SLC2A11: variants seen among roughly 807,000 people sequenced by gnomAD.
SLC2A11 encodes solute carrier family 2 member 11.
SLC2A11 carries 43 observed loss-of-function variants against 52.1 expected under a neutral mutation model. That is an observed-to-expected ratio of 0.82 (90% CI 0.65 to 1.06). The LOEUF is 1.06. Among genes scored for constraint, SLC2A11 ranks in the 50% least tolerant of loss-of-function variants. The pLI is 0.00. For missense variants in SLC2A11, 582 were observed against 654.2 expected, an observed-to-expected ratio of 0.89 and a Z score of 1.20; for synonymous variants, 261 against 277.6, an observed-to-expected ratio of 0.94 and a Z score of 0.59.
intron 8 of SLC2A11, 157 bp downstream of exon 8, chr22:23,883,026 C>T (rs1290702396): frequency 4.1e-6 from 3 of 737,502 alleles, no homozygotes; most frequent in Admixed American, 2.0e-5. Context: ...TTTGGGAGGC[C>T]GAGGTGGGTG....
chr22:23,882,403 G>A, intron 6 of SLC2A11, 56 bp from the exon 7 acceptor site: 1 of 1,441,732 alleles, frequency 6.9e-7, no homozygotes, highest in Non-Finnish European at 9.2e-7. Flanking sequence ...GTCCCTGTAG[G>A]GGGACCAAAG....
chr22:23,861,758 G>C (rs1011371772), intron 1 of SLC2A11, among the ~76,000 whole-genome samples: 3 of 152,210 alleles, frequency 2.0e-5, no homozygotes, highest in Admixed American at 6.5e-5. Context: ...TACTCTACTG[G>C]GGCCCCAGCT....
At chr22:23,861,872 G>A (rs2032080282) in intron 1 of SLC2A11, among the ~76,000 whole-genome samples, 1 of 152,206 alleles carries the variant, frequency 6.6e-6, no homozygotes, top group African/African-American at 2.4e-5. Flanking sequence ...GGCTATGGGT[G>A]GGGTGAGGGT....
chr22:23,883,219 G>A (rs1166602369), intron 8 of SLC2A11: 2 of 389,286 alleles, frequency 5.1e-6, no homozygotes, highest in Non-Finnish European at 9.8e-6. Context: ...CCGAGATGGT[G>A]CCATTGCACT....
upstream of SLC2A11, chr22:23,857,835 GT>G (rs1235849586): frequency 3.3e-6 from 5 of 1,494,080 alleles, no homozygotes; most frequent in African/African-American, 7.0e-5. Context: ...GTCTCGACGG[GT>G]TTGCTCCTCT....
chr22:23,864,788 T>A (rs1293600282), intron 2 of SLC2A11, among the ~76,000 whole-genome samples: 7 of 152,060 alleles, frequency 4.6e-5, no homozygotes, highest in African/African-American at 1.7e-4. Context: ...CCCTGCTGAA[T>A]GGTGTTAAGT....
At position 23,876,270 on chromosome 22, in the gene SLC2A11, C is replaced by T. The variant is rs547875885; in HGVS notation, c.416-772C>T. Among the ~76,000 whole-genome samples the T allele has an allele frequency of 6.3e-4, 96 of 152,258 alleles. No homozygotes were observed. The South Asian group carries it at 0.018, about 29-fold the overall frequency. On this transcript the variant is annotated intron_variant, in intron 4 of 11. Coordinates refer to ENST00000316185, the MANE Select transcript of SLC2A11 (RefSeq NM_001024939.4). ...TCCAGGGGAAAGGAACCAGGTCAGA[C>T]TTTGTCTTCATGTCCCAAGTACCCA... is the stretch of plus-strand genomic sequence containing the variant.
intron 3 of SLC2A11, among the ~76,000 whole-genome samples, chr22:23,874,455 T>C (rs527794983): frequency 0.033 from 1,726 of 52,834 alleles, 31 homozygotes; most frequent in African/African-American, 0.12. Flanking sequence ...CATGGCTAAT[T>C]TTTTTTTTTT....
intron 1 of SLC2A11, chr22:23,858,275 G>A: frequency 1.5e-6 from 1 of 661,408 alleles, no homozygotes. Context: ...CCCCAGAGAT[G>A]CTAAATCCTC....
chr22:23,876,982 G>A, intron 4 of SLC2A11, 60 bp from the exon 5 acceptor site: 1 of 1,611,748 alleles, frequency 6.2e-7, no homozygotes, highest in South Asian at 1.1e-5. Flanking sequence ...GACAGGCTGG[G>A]TGTCGTGGAG....
intron 6 of SLC2A11, among the ~76,000 whole-genome samples, chr22:23,880,192 G>A (rs1481108517): frequency 6.8e-6 from 1 of 147,642 alleles, no homozygotes; most frequent in African/African-American, 2.5e-5. Context: ...GGCGGAGGTT[G>A]CAGTGAGCCA....
chr22:23,883,907 G>C, intron 9 of SLC2A11, 34 bp downstream of exon 9: 1 of 1,610,020 alleles, frequency 6.2e-7, no homozygotes, highest in South Asian at 1.1e-5. Context: ...GGGGGTCCAG[G>C]CCGGGCTGAC....
chr22:23,861,599 T>C (rs1463566355), intron 1 of SLC2A11, among the ~76,000 whole-genome samples: 2 of 152,228 alleles, frequency 1.3e-5, no homozygotes, highest in Non-Finnish European at 2.9e-5. Context: ...TGCAGGTCCA[T>C]GTGGCATCTT....
intron 3 of SLC2A11, 118 bp from the exon 4 acceptor site, chr22:23,874,999 C>T (rs375351157): frequency 8.3e-7 from 1 of 1,209,344 alleles, no homozygotes; most frequent in Non-Finnish European, 1.1e-6. Context: ...TGGCATACTA[C>T]ATACATTTGT....
chr22:23,882,428 G>A (rs1025230592), intron 6 of SLC2A11, 31 bp from the exon 7 acceptor site: 11 of 1,486,108 alleles, frequency 7.4e-6, no homozygotes, highest in South Asian at 2.6e-5. Context: ...GCTTGGGGAC[G>A]GGGAGCTCAG....
intron 2 of SLC2A11, among the ~76,000 whole-genome samples, chr22:23,862,480 A>G (rs915088836): frequency 2.6e-5 from 4 of 152,018 alleles, no homozygotes; most frequent in Non-Finnish European, 4.4e-5. Context: ...CTTGGACACT[A>G]AGTCCTTCCT....
chr22:23,873,031 AT>A (rs1038797381), intron 3 of SLC2A11: 4 of 151,420 alleles, frequency 2.6e-5, no homozygotes, highest in Non-Finnish European at 5.9e-5. Flanking sequence ...TATCCTTTTT[AT>A]TTTTTTTGCG....
chr22:23,876,207 C>G (rs1311566060), intron 4 of SLC2A11, among the ~76,000 whole-genome samples: 1 of 152,186 alleles, frequency 6.6e-6, no homozygotes, highest in Non-Finnish European at 1.5e-5. Context: ...CACCATTATT[C>G]TGCTCATTAG....
intron 2 of SLC2A11, chr22:23,868,089 T>G (rs577226064): frequency 3.3e-6 from 1 of 298,868 alleles, no homozygotes; most frequent in African/African-American, 2.1e-5. Flanking sequence ...TAACTCCAGG[T>G]GGATAGTGTC....
Sources: gnomAD v4.1 joint callset for allele counts (sites outside exome capture counted in the v4.1 genomes callset) on GRCh38, gnomAD v4.1.1 for gene constraint, MANE v1.5 for transcripts, NCBI Gene and HGNC (gene_info 2026-07-23, HGNC 2026-07-21) for gene names.